UTRN: variants seen among roughly 807,000 people sequenced by gnomAD.
The protein encoded by UTRN is utrophin, also known as dystrophin-related protein 1.
A neutral mutation model predicts 463.9 loss-of-function variants in UTRN; 283 were observed. The observed-to-expected ratio is 0.61, with a 90% CI of 0.55 to 0.67. The LOEUF (loss-of-function observed/expected upper bound fraction) is 0.67, where lower values mean the gene tolerates loss of function less well. Among genes scored for constraint, UTRN ranks in the 30% least tolerant of loss-of-function variants. The probability of loss-of-function intolerance (pLI) is 0.00; values close to 1 mark genes in which losing one functional copy is unlikely to be tolerated. For missense variants in UTRN, 3,922 were observed against 4,084.3 expected (o/e 0.96, Z 1.08); for synonymous variants, 1,442 against 1,431.5 (o/e 1.01, Z -0.17).
intron 2 of UTRN, among the ~76,000 whole-genome samples, chr6:144,321,783 T>C (rs935040417): frequency 6.2e-5 from 9 of 145,484 alleles, no homozygotes; most frequent in Admixed American, 1.3e-4. Flanking sequence ...TTTTTTTTTT[T>C]GAGATGGAGT....
intron 2 of UTRN, among the ~76,000 whole-genome samples, chr6:144,369,290 T>C (rs1779778837): frequency 6.6e-6 from 1 of 152,202 alleles, no homozygotes; most frequent in South Asian, 2.1e-4. Context: ...TATTGTGTAG[T>C]TGTATTTTAA....
At chr6:144,624,191 G>T (rs1775712901) in intron 51 of UTRN, among the ~76,000 whole-genome samples, 1 of 152,108 alleles carries the variant, frequency 6.6e-6, no homozygotes, top group South Asian at 2.1e-4. Context: ...AATGAGGACA[G>T]AAAGGTAAAA....
At chr6:144,716,345 A>G (rs907157574) in intron 53 of UTRN, among the ~76,000 whole-genome samples, 2 of 151,344 alleles carry the variant, frequency 1.3e-5, no homozygotes, top group Non-Finnish European at 2.9e-5. Flanking sequence ...TTGAGTTGAG[A>G]TTCTTAACAA....
At chr6:144,453,240 A>G (rs1788505235) in intron 18 of UTRN, among the ~76,000 whole-genome samples, 1 of 152,000 alleles carries the variant, frequency 6.6e-6, no homozygotes, top group African/African-American at 2.4e-5. Context: ...CTCATGCCTA[A>G]GCCTCCTGAG....
intron 13 of UTRN, among the ~76,000 whole-genome samples, chr6:144,443,644 A>C (rs1363951824): frequency 1.3e-5 from 2 of 152,224 alleles, no homozygotes; most frequent in East Asian, 3.9e-4. Flanking sequence ...ATTTTTTATA[A>C]TTAATAAAAT....
rs778493774 is a variant in UTRN at position 144,542,816 on chromosome 6, A to G, written c.6541A>G (p.Thr2181Ala). The change falls in exon 46 of 75, where the codon ACC becomes GCC. Residue 2181 changes from threonine to alanine, a missense_variant. By Grantham distance (58) the Thr-to-Ala change is moderately conservative. This residue lies in a region of UTRN where 2,349 missense variants were observed against 2,303.8 expected (regional missense o/e 1.02). Transcript: ENST00000367545. ...WNKICREVPT[T>A]LKECIQEPSS... is the part of the protein sequence containing the mutation. ...GTAGATTTGCAGAGAGGTGCCTACC[A>G]CCCTGAAGGAATGCATCCAGGAGCC... The G allele has an allele frequency of 1.9e-6, 3 of 1,613,648 alleles. No homozygotes were observed. The highest frequency in any genetic ancestry group is 3.3e-5 in the Admixed American group (2 of 59,968).
chr6:144,297,334 A>G (rs1316390143), intron 2 of UTRN, among the ~76,000 whole-genome samples: 1 of 152,200 alleles, frequency 6.6e-6, no homozygotes, highest in Non-Finnish European at 1.5e-5. Flanking sequence ...AGCCTCCTGA[A>G]AATCTGCTAT....
intron 1 of UTRN, among the ~76,000 whole-genome samples, chr6:144,291,106 A>G (rs1460256794): frequency 1.3e-5 from 2 of 152,128 alleles, no homozygotes; most frequent in African/African-American, 4.8e-5. Flanking sequence ...CAATTTGACC[A>G]TGTTGGTTCC....
chr6:144,314,691 A>G (rs897101104), intron 2 of UTRN, among the ~76,000 whole-genome samples: 3 of 152,196 alleles, frequency 2.0e-5, no homozygotes, highest in African/African-American at 4.8e-5. Context: ...CAGAAAATGT[A>G]TGAATATTTA....
At chr6:144,771,853 T>C in intron 58 of UTRN, 54 bp from the exon 59 acceptor site, 1 of 1,449,202 alleles carries the variant, frequency 6.9e-7, no homozygotes, top group Non-Finnish European at 9.4e-7. Context: ...TTTTGGCCTA[T>C]ATGAAGTTTT....
intron 52 of UTRN, among the ~76,000 whole-genome samples, chr6:144,679,151 T>C (rs1345709526): frequency 6.6e-6 from 1 of 152,140 alleles, no homozygotes; most frequent in Non-Finnish European, 1.5e-5. Context: ...GACACTAAAA[T>C]GGAAAATTGA....
At chr6:144,669,045 G>A (rs1780721539) in intron 51 of UTRN, among the ~76,000 whole-genome samples, 1 of 152,140 alleles carries the variant, frequency 6.6e-6, no homozygotes, top group Admixed American at 6.6e-5. Context: ...TTTTCTGTTT[G>A]TAATTCACAC....
At chr6:144,786,326 G>GC (rs1436299905) in intron 61 of UTRN, among the ~76,000 whole-genome samples, 1 of 152,016 alleles carries the variant, frequency 6.6e-6, no homozygotes, top group Non-Finnish European at 1.5e-5. Flanking sequence ...TCACTCTGTC[G>GC]CCAGGCTGGA....
At chr6:144,850,408 T>G (rs1002843883) in intron 74 of UTRN, among the ~76,000 whole-genome samples, 3 of 152,202 alleles carry the variant, frequency 2.0e-5, no homozygotes, top group Non-Finnish European at 4.4e-5. Flanking sequence ...TTTTTTTATT[T>G]TTTTCTAATT....
At chr6:144,589,340 A>G (rs778711016) in intron 51 of UTRN, among the ~76,000 whole-genome samples, 27 of 152,184 alleles carry the variant, frequency 1.8e-4, no homozygotes, top group Non-Finnish European at 3.2e-4. Context: ...TTTCTCATAT[A>G]TTACATCATT....
chr6:144,786,485 C>T (rs933715674), intron 61 of UTRN, among the ~76,000 whole-genome samples: 11 of 152,028 alleles, frequency 7.2e-5, no homozygotes, highest in African/African-American at 2.2e-4. Context: ...AGGGTTTCAC[C>T]ATGTTGGCCA....
At chr6:144,514,123 A>T in intron 36 of UTRN, 86 bp downstream of exon 36, 1 of 1,531,486 alleles carries the variant, frequency 6.5e-7, no homozygotes, top group Non-Finnish European at 8.9e-7. Flanking sequence ...TAAGTTACTT[A>T]GCTCTCATTC....
chr6:144,485,657 C>A, intron 28 of UTRN, 138 bp downstream of exon 28: 1 of 1,274,914 alleles, frequency 7.8e-7, no homozygotes. Flanking sequence ...GCATTTTCTT[C>A]CATAGCCTGA....
rs377191846 is a variant in UTRN at position 144,571,156 on chromosome 6, G to A, written c.7290-5943G>A. Among the ~76,000 whole-genome samples the A allele has an allele frequency of 1.2e-4, 18 of 152,120 alleles. No homozygotes were observed. The South Asian group carries it at 1.2e-3, about 11-fold the overall frequency. ...TGTGTAGTGGATTGATTGCATATGTGCACTCCTTTAATCTTTGTTTTCTAG... is the reference window on the plus strand; with the variant it reads ...TGTGTAGTGGATTGATTGCATATGTACACTCCTTTAATCTTTGTTTTCTAG... On this transcript the variant is annotated intron_variant, in intron 50 of 74. Coordinates refer to ENST00000367545, the MANE Select transcript of UTRN (RefSeq NM_007124.3).
Sources: gnomAD v4.1 joint callset for allele counts (sites outside exome capture counted in the v4.1 genomes callset) on GRCh38, gnomAD v4.1.1 for gene constraint, gnomAD v4.1.1 regional missense constraint, MANE v1.5 for transcripts, NCBI Gene and HGNC (gene_info 2026-07-23, HGNC 2026-07-21) for gene names.